The following RNF144A variants were observed in gnomAD, a reference collection of about 807,000 sequenced individuals.
RNF144A encodes ring finger protein 144A.
A neutral mutation model predicts 38.7 loss-of-function variants in RNF144A; 11 were observed. The observed-to-expected ratio is 0.28, with a 90% CI of 0.18 to 0.47. The LOEUF (loss-of-function observed/expected upper bound fraction) is 0.47, where lower values mean the gene tolerates loss of function less well. RNF144A is among the 20% of genes least tolerant of loss of function. RNF144A has a pLI of 0.99. For missense variants in RNF144A, 316 were observed against 377.2 expected, an observed-to-expected ratio of 0.84 and a Z score of 1.34; for synonymous variants, 149 against 143.9, an observed-to-expected ratio of 1.04 and a Z score of -0.25.
At chr2:7,025,652 A>G (rs528114743) in intron 7 of RNF144A, among the ~76,000 whole-genome samples, 2 of 152,366 alleles carry the variant, frequency 1.3e-5, no homozygotes, top group East Asian at 3.9e-4. Flanking sequence ...AGCCTCGGCA[A>G]CAGAGTGAGA....
intron 2 of RNF144A, among the ~76,000 whole-genome samples, chr2:6,990,408 A>G (rs944102522): frequency 1.6e-4 from 22 of 139,216 alleles, no homozygotes; most frequent in Non-Finnish European, 2.8e-4. Context: ...ACACACACAC[A>G]CACACACACA....
intron 7 of RNF144A, among the ~76,000 whole-genome samples, chr2:7,025,335 T>C (rs919996822): frequency 2.0e-5 from 3 of 152,226 alleles, no homozygotes; most frequent in Admixed American, 2.0e-4. Flanking sequence ...ATGATGAAGC[T>C]ATGATTTTAG....
At position 6,981,959 on chromosome 2, in the gene RNF144A, G is replaced by A. The variant is rs577427084; in HGVS notation, c.-11-14957G>A. Reference sequence around the variant, plus strand: ...TTGCAATCATGGCAGAAGGCAAAAGGGAAGCAGACACCTTCTTCACAAGGC... The same window carrying A: ...TTGCAATCATGGCAGAAGGCAAAAGAGAAGCAGACACCTTCTTCACAAGGC... On this transcript the variant is annotated intron_variant, in intron 2 of 8. Transcript: ENST00000320892. Among the ~76,000 whole-genome samples, 163 of 152,278 alleles carry A rather than the reference G, an allele frequency of 1.1e-3. No homozygotes were observed. In the Middle Eastern group the frequency reaches 0.017, roughly 16 times the overall value.
At chr2:7,039,381 G>T in intron 8 of RNF144A, among the ~76,000 whole-genome samples, 2 of 146,156 alleles carry the variant, frequency 1.4e-5, no homozygotes, top group East Asian at 4.6e-4. Flanking sequence ...GGTAGATGAT[G>T]GTTAGATGGG....
At chr2:6,963,470 G>A (rs974824493) in intron 2 of RNF144A, among the ~76,000 whole-genome samples, 1 of 152,106 alleles carries the variant, frequency 6.6e-6, no homozygotes, top group African/African-American at 2.4e-5. Flanking sequence ...GGTTTTCTAA[G>A]TTAAACCACC....
At chr2:6,928,071 A>G (rs1028202721) in intron 1 of RNF144A, among the ~76,000 whole-genome samples, 2 of 152,120 alleles carry the variant, frequency 1.3e-5, no homozygotes, top group African/African-American at 4.8e-5. Context: ...GAGGTTAGTT[A>G]TGGATGGTTC....
chr2:6,947,811 C>A (rs1175401740), intron 2 of RNF144A, among the ~76,000 whole-genome samples: 1 of 152,210 alleles, frequency 6.6e-6, no homozygotes, highest in Non-Finnish European at 1.5e-5. Context: ...TGAGGCCTGG[C>A]TCTGCCCTGT....
At chr2:6,950,577 A>T (rs1666613616) in intron 2 of RNF144A, among the ~76,000 whole-genome samples, 2 of 152,214 alleles carry the variant, frequency 1.3e-5, no homozygotes, top group African/African-American at 4.8e-5. Flanking sequence ...GGCCTGAAAA[A>T]TAAAAGCTAA....
At chr2:6,986,250 GT>G (rs1171271976) in intron 2 of RNF144A, among the ~76,000 whole-genome samples, 24 of 146,508 alleles carry the variant, frequency 1.6e-4, no homozygotes, top group East Asian at 6.0e-4. Context: ...ATAAAACCCG[GT>G]TTTTTTTTTT....
chr2:6,967,015 G>C (rs114352614), intron 2 of RNF144A, among the ~76,000 whole-genome samples: 1,537 of 152,266 alleles, frequency 0.01, 40 homozygotes, highest in African/African-American at 0.035. Flanking sequence ...CATGGTGTCA[G>C]TTTTTACAGC....
chr2:6,992,639 T>A (rs1669468624), intron 2 of RNF144A, among the ~76,000 whole-genome samples: 1 of 152,200 alleles, frequency 6.6e-6, no homozygotes, highest in African/African-American at 2.4e-5. Flanking sequence ...GCTGCCTACC[T>A]TTCCAAGGTT....
intron 2 of RNF144A, among the ~76,000 whole-genome samples, chr2:6,953,080 A>G (rs1398970179): frequency 1.3e-5 from 2 of 152,152 alleles, no homozygotes; most frequent in African/African-American, 4.8e-5. Context: ...AGCTAAAAAC[A>G]GCTCAATAAT....
At chr2:7,010,875 G>C (rs1036500072) in intron 3 of RNF144A, among the ~76,000 whole-genome samples, 1 of 151,942 alleles carries the variant, frequency 6.6e-6, no homozygotes. Context: ...ATGAGAGCAC[G>C]GAGCACAGTG....
the RNF144A span, among the ~76,000 whole-genome samples, chr2:7,074,991 A>T: frequency 2.0e-5 from 3 of 152,202 alleles, no homozygotes; most frequent in Non-Finnish European, 4.4e-5. Flanking sequence ...TAAAAGTTTT[A>T]TTTCTGTTGC....
chr2:7,068,060 T>TA (rs747509213), intron 6 of RNF144A, among the ~76,000 whole-genome samples: 3 of 152,218 alleles, frequency 2.0e-5, no homozygotes, highest in African/African-American at 4.8e-5. Flanking sequence ...AATTCCCACT[T>TA]ACCAGTGCTG....
At chr2:6,934,593 T>C (rs1665446337) in intron 1 of RNF144A, among the ~76,000 whole-genome samples, 1 of 152,250 alleles carries the variant, frequency 6.6e-6, no homozygotes, top group Non-Finnish European at 1.5e-5. Context: ...TCTGGTAAAA[T>C]TGTAGTTTTA....
intron 3 of RNF144A, among the ~76,000 whole-genome samples, chr2:6,997,873 A>G (rs1458196903): frequency 6.6e-6 from 1 of 152,252 alleles, no homozygotes; most frequent in Non-Finnish European, 1.5e-5. Flanking sequence ...AATGTACAGC[A>G]TGATAATTAT....
intron 5 of RNF144A, among the ~76,000 whole-genome samples, chr2:7,017,484 G>T (rs1326778835): frequency 6.6e-6 from 1 of 152,182 alleles, no homozygotes; most frequent in Non-Finnish European, 1.5e-5. Context: ...GCCGGGCAGG[G>T]TAGTAAGTGC....
At position 7,042,789 on chromosome 2, in the gene RNF144A, C is replaced by A; in HGVS notation, c.*3029C>A. On this transcript the variant is annotated 3_prime_UTR_variant, in exon 9 of 9. Coordinates refer to ENST00000320892, the MANE Select transcript of RNF144A (RefSeq NM_014746.6). The stretch of plus-strand genomic sequence containing the variant: ...GCATCGGATTGCAGGAATAACTGTC[C>A]AAATTAGTTCTTCCTCCTCAACTCA... 6 of 985,358 alleles carry A rather than the reference C, an allele frequency of 6.1e-6. No homozygotes were observed. Among genetic ancestry groups the A allele is most frequent in the Non-Finnish European group, 7.2e-6 (6 of 829,872 alleles). 61.0% of individuals were successfully genotyped at this position (985,358 alleles called of 1,614,324 possible).
Sources: gnomAD v4.1 joint callset for allele counts (sites outside exome capture counted in the v4.1 genomes callset) on GRCh38, gnomAD v4.1.1 for gene constraint, MANE v1.5 for transcripts, NCBI Gene and HGNC (gene_info 2026-07-23, HGNC 2026-07-21) for gene names.